SLF2: variants seen among roughly 807,000 people sequenced by gnomAD.
SLF2 encodes the protein SMC5-SMC6 complex localization factor protein 2.
In SLF2, 68 loss-of-function variants were observed where a neutral mutation model predicts 124.3. That is an observed-to-expected ratio of 0.55 (90% CI 0.45 to 0.67). The LOEUF is 0.67. Ranked by LOEUF, SLF2 falls within the 30% of genes least tolerant of loss-of-function variation. SLF2 has a pLI of 0.00. For missense variants in SLF2, 1,246 were observed against 1,373.7 expected, an observed-to-expected ratio of 0.91 and a Z score of 1.47; for synonymous variants, 480 against 478.8, an observed-to-expected ratio of 1.00 and a Z score of -0.03.
intron 9 of SLF2, among the ~76,000 whole-genome samples, chr10:100,936,587 G>A (rs1433036654): frequency 2.6e-5 from 4 of 151,658 alleles, no homozygotes; most frequent in Non-Finnish European, 4.4e-5. Context: ...CGCCTGCCTC[G>A]GCCTCCCAAA....
intron 4 of SLF2, among the ~76,000 whole-genome samples, chr10:100,919,935 C>A (rs1485914044): frequency 6.6e-6 from 1 of 152,194 alleles, no homozygotes; most frequent in East Asian, 1.9e-4. Flanking sequence ...AGGTGCATTG[C>A]ATTTTGACCA....
intron 13 of SLF2, 79 bp downstream of exon 13, chr10:100,945,585 T>G: frequency 9.2e-7 from 1 of 1,088,570 alleles, no homozygotes; most frequent in Non-Finnish European, 1.2e-6. Flanking sequence ...GAATTAATAC[T>G]GTTTCTAAAC....
At chr10:100,942,002 AT>A (rs1246392876) in intron 11 of SLF2, among the ~76,000 whole-genome samples, 1 of 152,222 alleles carries the variant, frequency 6.6e-6, no homozygotes, top group Non-Finnish European at 1.5e-5. Flanking sequence ...ATATACTAAC[AT>A]TTGTATTAAA....
chr10:100,929,242 C>T (rs1448550905), intron 6 of SLF2, 75 bp from the exon 7 acceptor site: 1 of 1,390,150 alleles, frequency 7.2e-7, no homozygotes, highest in African/African-American at 1.5e-5. Context: ...CTTTGTGCTG[C>T]TTTTAGATAT....
intron 17 of SLF2, among the ~76,000 whole-genome samples, chr10:100,953,478 T>C (rs1166468016): frequency 6.6e-6 from 1 of 151,058 alleles, no homozygotes; most frequent in African/African-American, 2.4e-5. Flanking sequence ...AAAAAAAATT[T>C]AGTGATTATT....
intron 17 of SLF2, among the ~76,000 whole-genome samples, chr10:100,955,561 A>C (rs1850314291): frequency 6.6e-6 from 1 of 152,060 alleles, no homozygotes; most frequent in East Asian, 1.9e-4. Context: ...TGCATTTGAC[A>C]CTAGCCTTGG....
At chr10:100,947,713 A>G (rs763085003) in intron 14 of SLF2, 47 bp from the exon 15 acceptor site, 133 of 1,315,936 alleles carry the variant, frequency 1.0e-4, no homozygotes, top group Non-Finnish European at 1.4e-4. Flanking sequence ...CTTTTCAAGC[A>G]GTATTAATTA....
In SLF2 at chr10:100,961,998, C is replaced by CAT. The variant is rs1850434814; in HGVS notation, c.*87_*88insTA. The CAT allele has an allele frequency of 8.4e-7, 1 of 1,189,224 alleles. No homozygotes were observed. 73.7% of individuals were successfully genotyped at this position (1,189,224 alleles called of 1,614,324 possible). On this transcript the variant is annotated 3_prime_UTR_variant, in exon 20 of 20. Transcript: ENST00000238961. ...GAGTAGAAAGGATTATTACAGAATC[C>CAT]AATGAATGCCAAGAAAATGTACAGC...
In SLF2 at chr10:100,917,066, G is replaced by T; in HGVS notation, c.681G>T (p.Pro227=). Residue 227 remains proline, a synonymous_variant, in exon 3 of 20, where the codon CCG becomes CCT. Transcript: ENST00000238961. The part of the protein sequence containing the change: ...SSRSSLSRHH[P]EESPLGAKFQ... Reference sequence around the variant, plus strand: ...GGAGCAGCCTGTCCAGGCACCACCCGGAAGAAAGCCCACTGGGAGCTAAAT... The same window carrying T: ...GGAGCAGCCTGTCCAGGCACCACCCTGAAGAAAGCCCACTGGGAGCTAAAT... 1 of 1,614,090 alleles carries T rather than the reference G, an allele frequency of 6.2e-7. No homozygotes were observed. Among genetic ancestry groups the T allele is most frequent in the Non-Finnish European group, 8.5e-7 (1 of 1,180,018 alleles).
In SLF2 at chr10:100,944,127, AG is replaced by A. The variant is rs1274316479; in HGVS notation, c.2757+1del. On this transcript the variant is annotated frameshift_variant and splice_region_variant, in exon 12 of 20. Transcript: ENST00000238961. LOFTEE classifies it high-confidence loss of function. ...GAAACCAACATTTTAAATGTGGTTA[AG>A]GTAGGAAAGAACTTTTATGTGTCTT... ...LPETNILNVV[K>X]FLGLCTSIHP... 6.3e-7 allele frequency: 1 copy of A among 1,593,938 alleles called. No homozygotes were observed. Among genetic ancestry groups the A allele is most frequent in the East Asian group, 2.2e-5 (1 of 44,720 alleles).
chr10:100,952,179 G>A (rs1157103167), intron 17 of SLF2, among the ~76,000 whole-genome samples: 1 of 152,122 alleles, frequency 6.6e-6, no homozygotes, highest in Admixed American at 6.5e-5. Context: ...AGGAGGCGGA[G>A]GTTGCAGTGA....
intron 9 of SLF2, among the ~76,000 whole-genome samples, chr10:100,931,587 A>G (rs1849737287): frequency 6.6e-6 from 1 of 152,188 alleles, no homozygotes; most frequent in Non-Finnish European, 1.5e-5. Flanking sequence ...AGTTAACTCA[A>G]TTGGTAACTT....
At chr10:100,959,775 TGA>T (rs1025447832) in intron 19 of SLF2, among the ~76,000 whole-genome samples, 5 of 152,242 alleles carry the variant, frequency 3.3e-5, no homozygotes, top group African/African-American at 9.6e-5. Context: ...ACAGATCTAT[TGA>T]GATAGAATTC....
intron 9 of SLF2, among the ~76,000 whole-genome samples, chr10:100,935,865 T>G (rs1486347186): frequency 2.6e-4 from 35 of 136,218 alleles, no homozygotes; most frequent in African/African-American, 9.5e-4. Flanking sequence ...TTTTCTTTTT[T>G]TTTTTTTTTT....
Position 100,924,320 on chromosome 10 carries a change from A to G in SLF2, c.1319A>G (p.His440Arg). 6.2e-7 allele frequency: 1 copy of G among 1,614,108 alleles called. No individual in the cohort carries two copies. Among genetic ancestry groups the G allele is most frequent in the Non-Finnish European group, 8.5e-7 (1 of 1,180,020 alleles). The change falls in exon 5 of 20, where the codon CAC becomes CGC. Residue 440 changes from histidine to arginine, a missense_variant. Coordinates refer to ENST00000238961, the MANE Select transcript of SLF2 (RefSeq NM_018121.4). The part of the protein sequence containing the change: ...GTKETKMQKP[H>R]LPLSQEKSAI... ...AAGGAGACTAAGATGCAGAAACCCC[A>G]CTTACCTTTATCTCAGGAAAAGTCT...
intron 9 of SLF2, among the ~76,000 whole-genome samples, chr10:100,935,845 GTT>G (rs1377424639): frequency 7.5e-6 from 1 of 132,536 alleles, no homozygotes; most frequent in Non-Finnish European, 1.6e-5. Context: ...GATTTTTTGG[GTT>G]TTTTTTTTTT....
chr10:100,947,296 C>T (rs1322581849), intron 14 of SLF2, among the ~76,000 whole-genome samples, 160 bp downstream of exon 14: 2 of 150,728 alleles, frequency 1.3e-5, no homozygotes, highest in Non-Finnish European at 3.0e-5. Flanking sequence ...CTGATTCTGC[C>T]TTATTCTAAT....
At chr10:100,929,510 T>A in intron 7 of SLF2, 71 bp downstream of exon 7, 1 of 1,344,944 alleles carries the variant, frequency 7.4e-7, no homozygotes, top group South Asian at 1.6e-5. Context: ...TTTTGTAAAA[T>A]AAATGGGCCA....
In SLF2 at chr10:100,928,775, G is replaced by A. The variant is rs551747086; in HGVS notation, c.2043-542G>A. Among the ~76,000 whole-genome samples, 22 of 152,262 alleles carry A rather than the reference G, an allele frequency of 1.4e-4. No individual in the cohort carries two copies. The East Asian group carries it at 3.9e-3, about 27-fold the overall frequency. The stretch of plus-strand genomic sequence containing the variant: ...AAACTACTACATGGAGTTGTTGTAA[G>A]GGTTAAAAGAGTTAATATATAAAGC... On this transcript the variant is annotated intron_variant, in intron 6 of 19. Coordinates refer to ENST00000238961, the MANE Select transcript of SLF2 (RefSeq NM_018121.4).
Sources: allele counts gnomAD v4.1 joint callset (sites outside exome capture counted in the v4.1 genomes callset), GRCh38; gene constraint gnomAD v4.1.1; transcripts MANE v1.5; gene names NCBI Gene and HGNC (gene_info 2026-07-23, HGNC 2026-07-21).